The following SLC16A2 variants were observed in gnomAD, a reference collection of about 807,000 sequenced individuals.
SLC16A2 encodes the protein solute carrier family 16 member 2.
In SLC16A2, 3 loss-of-function variants were observed where a neutral mutation model predicts 27.2. The observed-to-expected ratio is 0.11, with a 90% CI of 0.05 to 0.28. The LOEUF (loss-of-function observed/expected upper bound fraction) is 0.28. Among genes scored for constraint, SLC16A2 ranks in the 10% least tolerant of loss-of-function variants. The pLI is 1.00. For missense variants in SLC16A2, 295 were observed against 458.5 expected (o/e 0.64, Z 3.26); for synonymous variants, 202 against 187.8 (o/e 1.08, Z -0.62).
intron 1 of SLC16A2, among the ~76,000 whole-genome samples, chrX:74,506,825 C>G: frequency 9.0e-6 from 1 of 111,301 alleles, no homozygotes; most frequent in Admixed American, 9.5e-5. Context: ...TTTATCCTGG[C>G]TTAGTTAGCA....
chrX:74,443,999 A>C (rs1451247248), intron 1 of SLC16A2, among the ~76,000 whole-genome samples: 2 of 111,191 alleles, frequency 1.8e-5, no homozygotes, highest in African/African-American at 6.6e-5. Flanking sequence ...ATGTGTGTGC[A>C]TGTGTGTCTG....
intron 3 of SLC16A2, among the ~76,000 whole-genome samples, chrX:74,525,231 TA>T (rs1159538477): frequency 9.0e-6 from 1 of 111,510 alleles, no homozygotes; most frequent in East Asian, 2.8e-4. Flanking sequence ...TTAAAGGGAC[TA>T]AAAAAAATTG....
chrX:74,460,683 C>T (rs1929122603), intron 1 of SLC16A2, among the ~76,000 whole-genome samples: 1 of 111,509 alleles, frequency 9.0e-6, no homozygotes, highest in Non-Finnish European at 1.9e-5. Context: ...CGGAGTCTTG[C>T]TCTGTCGCCC....
At chrX:74,511,190 A>T (rs914935900) in intron 1 of SLC16A2, among the ~76,000 whole-genome samples, 2 of 108,933 alleles carry the variant, frequency 1.8e-5, no homozygotes, top group Admixed American at 1.9e-4. Context: ...TATTTATTTT[A>T]TTTTTTTTTG....
chrX:74,469,701 C>G (rs1303929744), intron 1 of SLC16A2, among the ~76,000 whole-genome samples: 1 of 110,748 alleles, frequency 9.0e-6, no homozygotes, highest in Non-Finnish European at 1.9e-5. Flanking sequence ...AGATTTGTAG[C>G]AAAGTTGAGC....
intron 1 of SLC16A2, among the ~76,000 whole-genome samples, chrX:74,435,752 G>T (rs1928622828): frequency 9.2e-6 from 1 of 108,138 alleles, no homozygotes; most frequent in South Asian, 4.1e-4. Context: ...AAGTTCAGGG[G>T]CTCATGAAAG....
chrX:74,529,466 C>T lies in SLC16A2; in HGVS notation c.1399+25C>T, dbSNP rs1323197809. The T allele has an allele frequency of 4.5e-6, 5 of 1,100,649 alleles. No individual in the cohort carries two copies. The African/African-American group carries it at 9.2e-5, about 20-fold the overall frequency. The allele number at this position is 1,100,649 out of a possible 1,213,427, so 90.7% of individuals were successfully genotyped here. On this transcript the variant is annotated intron_variant, in intron 5 of 5. Coordinates refer to ENST00000587091, the MANE Select transcript of SLC16A2 (RefSeq NM_006517.5). ...GGTGAGGCTGATATTCCAGGGAGGG[C>T]ATGAATCAGGGAGTCCTTTTTTCCC...
rs201302046 is a variant in SLC16A2, at chrX:74,515,645, ATG to A, written c.431-5344_431-5343del. On this transcript the variant is annotated intron_variant, in intron 1 of 5. Transcript: ENST00000587091. ...GCTAAACACACAGACATGCACGTGC[ATG>A]CACACACACACACACACACACATCT... Among the ~76,000 whole-genome samples, 252 of 105,362 alleles carry A rather than the reference ATG, an allele frequency of 2.4e-3. 2 individuals carry two copies. The East Asian group carries it at 0.083, about 35-fold the overall frequency. 91.5% of individuals were successfully genotyped at this position (105,362 alleles called of 115,157 possible). A position where few individuals can be genotyped will look rare whatever the true frequency, so the allele number is the denominator to read the frequency against.
intron 1 of SLC16A2, among the ~76,000 whole-genome samples, chrX:74,504,102 C>T (rs1930082507): frequency 8.9e-6 from 1 of 112,215 alleles, no homozygotes; most frequent in Non-Finnish European, 1.9e-5. Flanking sequence ...ATTTGCTGCC[C>T]TATTTATCTT....
At chrX:74,515,562 A>G (rs1264845604) in intron 1 of SLC16A2, among the ~76,000 whole-genome samples, 2 of 111,833 alleles carry the variant, frequency 1.8e-5, no homozygotes, top group African/African-American at 3.3e-5. Flanking sequence ...AGCAAATCCC[A>G]AAGAGAATAA....
intron 2 of SLC16A2, among the ~76,000 whole-genome samples, 189 bp from the exon 3 acceptor site, chrX:74,524,170 C>G (rs998713829): frequency 1.8e-5 from 2 of 111,738 alleles, no homozygotes; most frequent in African/African-American, 6.5e-5. Context: ...TTTTACCTCG[C>G]TGAGCCTCTG....
chrX:74,527,503 T>C (rs1030775581), intron 4 of SLC16A2, among the ~76,000 whole-genome samples: 7 of 112,167 alleles, frequency 6.2e-5, no homozygotes, highest in Non-Finnish European at 1.3e-4. Flanking sequence ...AGCTATCCAC[T>C]AGACTCTGTG....
intron 1 of SLC16A2, among the ~76,000 whole-genome samples, chrX:74,425,819 C>CA (rs775085629): frequency 9.0e-6 from 1 of 111,710 alleles, no homozygotes; most frequent in East Asian, 2.8e-4. Flanking sequence ...ACCATTGAGC[C>CA]AAAAAATATG....
At chrX:74,470,342 G>T (rs1041723921) in intron 1 of SLC16A2, among the ~76,000 whole-genome samples, 1 of 112,124 alleles carries the variant, frequency 8.9e-6, no homozygotes, top group African/African-American at 3.2e-5. Context: ...ATACCAAGGA[G>T]CACAATTGCT....
At chrX:74,507,225 G>A (rs1309532644) in intron 1 of SLC16A2, among the ~76,000 whole-genome samples, 2 of 110,735 alleles carry the variant, frequency 1.8e-5, no homozygotes, top group Non-Finnish European at 1.9e-5. Context: ...AAAAGTGTTA[G>A]GATTACAGGC....
rs185114167 is a variant in SLC16A2 at position 74,507,255 on chromosome X, C to T, written c.431-13735C>T. On this transcript the variant is annotated intron_variant, in intron 1 of 5. Transcript: ENST00000587091. ...ACAGGCATGAGCAACCGCGCCCAGC[C>T]TCATCTGTGATTTTTTTTATTTTTG... is the stretch of plus-strand genomic sequence containing the variant. 1.2e-4 allele frequency among the ~76,000 whole-genome samples: 13 copies of T among 111,283 alleles called. No individual in the cohort carries two copies. The East Asian group carries it at 3.1e-3, about 26-fold the overall frequency.
intron 1 of SLC16A2, among the ~76,000 whole-genome samples, chrX:74,436,198 C>CGT (rs59105242): frequency 8.0e-4 from 86 of 107,347 alleles, no homozygotes; most frequent in East Asian, 4.7e-3. Flanking sequence ...AGAGTGTGTA[C>CGT]GTGTGTGTGT....
At chrX:74,475,973 T>G (rs1929468902) in intron 1 of SLC16A2, among the ~76,000 whole-genome samples, 1 of 111,560 alleles carries the variant, frequency 9.0e-6, no homozygotes, top group East Asian at 2.8e-4. Flanking sequence ...GGCTCTTTTT[T>G]GGTTCCATAT....
intron 4 of SLC16A2, among the ~76,000 whole-genome samples, chrX:74,526,956 A>T (rs372503769): frequency 4.4e-5 from 5 of 112,711 alleles, no homozygotes; most frequent in Non-Finnish European, 9.4e-5. Context: ...CAGCTCCAAG[A>T]TGCCAAAGAG....
Sources: allele counts gnomAD v4.1 joint callset (sites outside exome capture counted in the v4.1 genomes callset), GRCh38; gene constraint gnomAD v4.1.1; transcripts MANE v1.5; gene names NCBI Gene and HGNC (gene_info 2026-07-23, HGNC 2026-07-21).